The following SNU13 variants were observed in gnomAD, a reference collection of about 807,000 sequenced individuals.
SNU13 encodes the protein NHP2-like protein 1.
SNU13 carries 2 observed loss-of-function variants against 12.4 expected under a neutral mutation model. The ratio of observed to expected loss-of-function variants is 0.16; its 90% CI spans 0.07 to 0.51. The LOEUF (loss-of-function observed/expected upper bound fraction) is 0.51, where lower values mean the gene tolerates loss of function less well. Ranked by LOEUF, SNU13 falls within the 20% of genes least tolerant of loss-of-function variation. SNU13 has a pLI of 0.96. For synonymous variants in SNU13, 68 were observed against 66.5 expected (o/e 1.02, Z -0.11); for missense variants, 66 against 157.8 (o/e 0.42, Z 3.12).
At chr22:41,688,432 G>GAA in intron 1 of SNU13, 11 of 237,638 alleles carry the variant, frequency 4.6e-5, no homozygotes, top group Non-Finnish European at 6.4e-5. Context: ...AAGAAACAAG[G>GAA]AAAAAAAAAA....
At chr22:41,679,808 C>T (rs1287613866) in intron 2 of SNU13, 1 of 152,286 alleles carries the variant, frequency 6.6e-6, no homozygotes, top group East Asian at 1.9e-4. Context: ...GTGAAACGTT[C>T]CATGTTTTTG....
chr22:41,678,511 T>G (rs1345218605), intron 2 of SNU13, among the ~76,000 whole-genome samples: 1 of 152,158 alleles, frequency 6.6e-6, no homozygotes, highest in East Asian at 1.9e-4. Flanking sequence ...ATATTCTGAA[T>G]TAAGTCGCTG....
chr22:41,688,667 C>A, intron 1 of SNU13, 127 bp downstream of exon 1: 5 of 1,338,574 alleles, frequency 3.7e-6, no homozygotes, highest in Non-Finnish European at 5.0e-6. Flanking sequence ...ACTAAGGGCC[C>A]GGCGGTTAAG....
chr22:41,689,232 G>C (rs1200411480), upstream of SNU13: 1 of 349,946 alleles, frequency 2.9e-6, no homozygotes. Flanking sequence ...GCGTGGTGGC[G>C]GGCGCCTGTA....
At chr22:41,688,944 C>G, upstream of SNU13, 8 of 1,391,432 alleles carry the variant, frequency 5.7e-6, no homozygotes, top group Non-Finnish European at 7.5e-6. Context: ...AGCGAGTGGG[C>G]CCCGCCCTCT....
chr22:41,676,248 T>C (rs2068212935), intron 2 of SNU13, among the ~76,000 whole-genome samples: 1 of 152,176 alleles, frequency 6.6e-6, no homozygotes, highest in South Asian at 2.1e-4. Context: ...CGACTCACCA[T>C]GCAAGTTCAA....
intron 2 of SNU13, among the ~76,000 whole-genome samples, chr22:41,676,461 A>G (rs2068215336): frequency 6.6e-6 from 1 of 152,150 alleles, no homozygotes; most frequent in Non-Finnish European, 1.5e-5. Context: ...TTTATCATCT[A>G]TAAAATAATT....
In SNU13 at chr22:41,686,531, C is replaced by G. The variant is rs1001750295; in HGVS notation, c.3+2263G>C. Among the ~76,000 whole-genome samples, 24 of 151,614 alleles carry G rather than the reference C, an allele frequency of 1.6e-4. 1 individual carries two copies. The highest frequency in any genetic ancestry group is 3.4e-3 in the Middle Eastern group (1 of 294). On this transcript the variant is annotated intron_variant, in intron 1 of 2. Coordinates refer to ENST00000401959, the MANE Select transcript of SNU13 (RefSeq NM_001003796.2). ...ATGTTGGCCAGGTTGAACTCCTGAC[C>G]TAAGGTGATCCACCCGCCTCGGCCT...
chr22:41,675,283 C>A, intron 2 of SNU13, 88 bp from the exon 3 acceptor site: 1 of 1,500,784 alleles, frequency 6.7e-7, no homozygotes, highest in Non-Finnish European at 9.1e-7. Context: ...TAGGCACACA[C>A]AATTATGTGT....
chr22:41,674,792 C>A lies in SNU13; in HGVS notation c.*141G>T. The A allele has an allele frequency of 1.7e-6, 2 of 1,201,944 alleles. No individual in the cohort carries two copies. Among genetic ancestry groups the A allele is most frequent in the Non-Finnish European group, 2.3e-6 (2 of 869,350 alleles). The allele number at this position is 1,201,944 out of a possible 1,614,324, so 74.5% of individuals were successfully genotyped here. ...ACCCTGTAAAACAGAACAAAAACAA[C>A]ACAAAAATCCAGAAACCAGATTTAG... On this transcript the variant is annotated 3_prime_UTR_variant, in exon 3 of 3. Coordinates refer to ENST00000401959, the MANE Select transcript of SNU13 (RefSeq NM_001003796.2).
chr22:41,678,198 A>G (rs2068231314), intron 2 of SNU13, among the ~76,000 whole-genome samples: 2 of 151,892 alleles, frequency 1.3e-5, no homozygotes, highest in Admixed American at 1.3e-4. Flanking sequence ...GATGGTCTCG[A>G]TCTCCTGACC....
At chr22:41,681,045 A>T (rs1221854396) in intron 1 of SNU13, among the ~76,000 whole-genome samples, 1 of 152,226 alleles carries the variant, frequency 6.6e-6, no homozygotes. Flanking sequence ...TGAATCAATA[A>T]GATATAATTT....
intron 1 of SNU13, 27 bp downstream of exon 1, chr22:41,688,767 G>C (rs370244196): frequency 6.3e-7 from 1 of 1,597,904 alleles, no homozygotes; most frequent in Admixed American, 1.7e-5. Flanking sequence ...CCCGCTTCCC[G>C]GTCCCTCGGC....
At chr22:41,683,613 T>C (rs2068284341) in intron 1 of SNU13, among the ~76,000 whole-genome samples, 3 of 152,178 alleles carry the variant, frequency 2.0e-5, no homozygotes, top group Admixed American at 2.0e-4. Context: ...ACCTAATCTA[T>C]ATTATGTTTC....
At chr22:41,677,153 C>G (rs61450274) in intron 2 of SNU13, among the ~76,000 whole-genome samples, 3 of 152,136 alleles carry the variant, frequency 2.0e-5, no homozygotes, top group African/African-American at 7.2e-5. Flanking sequence ...AACACCCACA[C>G]CTCAGCTCTT....
At chr22:41,686,536 G>A (rs931012767) in intron 1 of SNU13, among the ~76,000 whole-genome samples, 14 of 151,136 alleles carry the variant, frequency 9.3e-5, no homozygotes, top group African/African-American at 3.2e-4. Context: ...CTGACCTAAG[G>A]TGATCCACCC....
intron 2 of SNU13, among the ~76,000 whole-genome samples, chr22:41,676,407 TG>T (rs2068214643): frequency 6.6e-6 from 1 of 152,218 alleles, no homozygotes; most frequent in South Asian, 2.1e-4. Context: ...CACTCATTCT[TG>T]TTACACAAAT....
chr22:41,681,591 A>G (rs1326235945), intron 1 of SNU13: 3 of 152,270 alleles, frequency 2.0e-5, no homozygotes, highest in African/African-American at 7.2e-5. Flanking sequence ...GTACAGTTAA[A>G]TATCACCAAC....
intron 2 of SNU13, among the ~76,000 whole-genome samples, 153 bp from the exon 3 acceptor site, chr22:41,675,348 A>G (rs1426274772): frequency 6.6e-6 from 1 of 152,134 alleles, no homozygotes; most frequent in Non-Finnish European, 1.5e-5. Flanking sequence ...AGTCATACAC[A>G]ATGGCATTTT....
Sources: gnomAD v4.1 joint callset for allele counts (sites outside exome capture counted in the v4.1 genomes callset) on GRCh38, gnomAD v4.1.1 for gene constraint, MANE v1.5 for transcripts, NCBI Gene and HGNC (gene_info 2026-07-23, HGNC 2026-07-21) for gene names.